The following CALN1 variants were observed in gnomAD, a reference collection of about 807,000 sequenced individuals.
The protein encoded by CALN1 is calcium-binding protein 8.
In CALN1, 17 loss-of-function variants were observed where a neutral mutation model predicts 30.6. The ratio of observed to expected loss-of-function variants is 0.56; its 90% CI spans 0.38 to 0.83. CALN1 has a LOEUF of 0.83. Among genes scored for constraint, CALN1 ranks in the 40% least tolerant of loss-of-function variants. The pLI, the probability that CALN1 is intolerant of heterozygous loss-of-function variation, is 0.00. For missense variants in CALN1, 291 were observed against 354.9 expected (o/e 0.82, Z 1.45); for synonymous variants, 156 against 131.4 (o/e 1.19, Z -1.28).
intron 2 of CALN1, among the ~76,000 whole-genome samples, chr7:72,326,478 T>C (rs976632565): frequency 6.6e-6 from 1 of 152,236 alleles, no homozygotes; most frequent in Non-Finnish European, 1.5e-5. Flanking sequence ...TGTTTATGTG[T>C]ATGCATATAA....
chr7:72,500,269 CTTTTTTTTTTTTTTTTTT>C, the CALN1 span, among the ~76,000 whole-genome samples: 3 of 51,364 alleles, frequency 5.8e-5, 1 homozygote, highest in Admixed American at 3.1e-4. Context: ...TTCGTTCCTT[CTTTTTTTTTTTTTTTTTT>C]TTTTTTTTTT....
chr7:71,966,755 T>C (rs1797548461), intron 5 of CALN1, among the ~76,000 whole-genome samples: 1 of 152,202 alleles, frequency 6.6e-6, no homozygotes, highest in Admixed American at 6.5e-5. Flanking sequence ...CCATGGTTCT[T>C]AACGTTTTGG....
intron 4 of CALN1, among the ~76,000 whole-genome samples, chr7:72,073,124 T>G (rs1015122080): frequency 7.9e-5 from 12 of 152,310 alleles, no homozygotes; most frequent in Middle Eastern, 6.8e-3. Context: ...GAGGATTTTA[T>G]GATAAGTGAA....
chr7:71,884,263 G>A (rs1442660328), intron 5 of CALN1, among the ~76,000 whole-genome samples: 2 of 152,010 alleles, frequency 1.3e-5, no homozygotes, highest in Non-Finnish European at 2.9e-5. Flanking sequence ...TTTGGGGATG[G>A]GTTTGCATAG....
chr7:72,375,014 A>G lies in CALN1; in HGVS notation c.119+28237T>C, dbSNP rs539484257. On this transcript the variant is annotated intron_variant, in intron 2 of 6. Transcript: ENST00000395275. ...AAAAATTAGTTATTTATACTTACAA[A>G]AACTTAAAAAATATAAAAAAGGCAT... Among the ~76,000 whole-genome samples, 526 of 152,272 alleles carry G rather than the reference A, an allele frequency of 3.5e-3. 4 individuals carry two copies. Among genetic ancestry groups the G allele is most frequent in the Middle Eastern group, 0.017 (5 of 294 alleles).
intron 2 of CALN1, among the ~76,000 whole-genome samples, chr7:72,303,263 A>T (rs1277709924): frequency 6.6e-6 from 1 of 152,150 alleles, no homozygotes; most frequent in East Asian, 1.9e-4. Context: ...AGGTGTTGTA[A>T]ATCAGTGCCA....
At chr7:72,155,677 G>A (rs775582194) in intron 3 of CALN1, among the ~76,000 whole-genome samples, 3 of 152,044 alleles carry the variant, frequency 2.0e-5, no homozygotes, top group Non-Finnish European at 2.9e-5. Context: ...CCAACCAAGG[G>A]GCAATATATT....
intron 3 of CALN1, among the ~76,000 whole-genome samples, chr7:72,108,606 G>A (rs1237011058): frequency 6.6e-6 from 1 of 151,956 alleles, no homozygotes; most frequent in East Asian, 1.9e-4. Flanking sequence ...CCTTGTGTAA[G>A]ACCTTGTTCT....
chr7:71,978,262 C>CTTTTTTTTTTTTT lies in CALN1; in HGVS notation c.501+45382_501+45394dup, dbSNP rs1010635078. Among the ~76,000 whole-genome samples the CTTTTTTTTTTTTT allele has an allele frequency of 7.7e-4, 56 of 72,934 alleles. 4 individuals are homozygous for CTTTTTTTTTTTTT. The highest frequency in any genetic ancestry group is 2.0e-3 in the African/African-American group (35 of 17,636). 47.8% of individuals were successfully genotyped at this position (72,934 alleles called of 152,430 possible). On this transcript the variant is annotated intron_variant, in intron 5 of 6. Transcript: ENST00000395275. Reference sequence around the variant, plus strand: ...AAAAACTCAGGGACTCTAGAGAATTCTTTTTTTTTTTTTTTTTTTTTTTTT... The same window carrying CTTTTTTTTTTTTT: ...AAAAACTCAGGGACTCTAGAGAATTCTTTTTTTTTTTTTTTTTTTTTTTTTTTTTTTTTTTTTT...
At chr7:72,175,116 C>G (rs1789253831) in intron 3 of CALN1, among the ~76,000 whole-genome samples, 1 of 151,770 alleles carries the variant, frequency 6.6e-6, no homozygotes, top group South Asian at 2.1e-4. Flanking sequence ...CTCTGTCACC[C>G]AGGCTGGAGT....
intron 5 of CALN1, among the ~76,000 whole-genome samples, chr7:71,861,040 C>G (rs923219954): frequency 2.6e-5 from 4 of 152,134 alleles, no homozygotes; most frequent in African/African-American, 7.2e-5. Context: ...AGGTCAGATA[C>G]AGAGAGGCAG....
intron 1 of CALN1, among the ~76,000 whole-genome samples, chr7:72,433,792 C>G (rs1808054877): frequency 6.6e-6 from 1 of 152,114 alleles, no homozygotes; most frequent in Non-Finnish European, 1.5e-5. Context: ...AGGCGGGGCA[C>G]AGTGGATCAC....
intron 2 of CALN1, among the ~76,000 whole-genome samples, chr7:72,329,871 T>A (rs1801543687): frequency 6.6e-6 from 1 of 152,074 alleles, no homozygotes; most frequent in African/African-American, 2.4e-5. Context: ...GGAGAATCGT[T>A]TGAATCCTGG....
At chr7:71,932,365 C>T (rs1007878473) in intron 5 of CALN1, among the ~76,000 whole-genome samples, 2 of 152,064 alleles carry the variant, frequency 1.3e-5, no homozygotes, top group African/African-American at 4.8e-5. Context: ...TGAGGTCTCA[C>T]TATGTTGTCT....
chr7:72,397,383 G>A lies in CALN1; in HGVS notation c.119+5868C>T, dbSNP rs189423189. The stretch of plus-strand genomic sequence containing the variant: ...AGGCCACAGGAGTCAAAGTCAAGAG[G>A]ATAGAAGGTCACAGGAGTTGAAGTT... On this transcript the variant is annotated intron_variant, in intron 2 of 6. Coordinates refer to ENST00000395275, the MANE Select transcript of CALN1 (RefSeq NM_031468.4). Among the ~76,000 whole-genome samples, 482 of 152,236 alleles carry A rather than the reference G, an allele frequency of 3.2e-3. 2 individuals are homozygous for A. Among genetic ancestry groups the A allele is most frequent in the African/African-American group, 9.4e-3 (391 of 41,538 alleles).
intron 4 of CALN1, among the ~76,000 whole-genome samples, chr7:72,079,526 G>C (rs953582511): frequency 1.3e-5 from 2 of 152,052 alleles, no homozygotes; most frequent in Non-Finnish European, 2.9e-5. Context: ...CATTTTGAAA[G>C]TAATGGCAAA....
chr7:72,286,997 C>A (rs760102112), intron 2 of CALN1, among the ~76,000 whole-genome samples: 5 of 152,072 alleles, frequency 3.3e-5, no homozygotes, highest in Admixed American at 3.3e-4. Context: ...GGAAAAGGTG[C>A]ATGCATTTGC....
chr7:72,193,002 A>G (rs1790732107), intron 3 of CALN1, among the ~76,000 whole-genome samples: 1 of 152,030 alleles, frequency 6.6e-6, no homozygotes, highest in Non-Finnish European at 1.5e-5. Context: ...AGTCTGGCCA[A>G]CATGGCAAAA....
chr7:72,195,461 G>C (rs1790918592), intron 3 of CALN1, among the ~76,000 whole-genome samples: 1 of 152,182 alleles, frequency 6.6e-6, no homozygotes, highest in Non-Finnish European at 1.5e-5. Context: ...CTGCAGCCTT[G>C]ACTTCCTTTG....
Sources: allele counts gnomAD v4.1 joint callset (sites outside exome capture counted in the v4.1 genomes callset), GRCh38; gene constraint gnomAD v4.1.1; transcripts MANE v1.5; gene names NCBI Gene and HGNC (gene_info 2026-07-23, HGNC 2026-07-21).